Variants in RAB3IP observed in about 807,000 individuals in gnomAD.
RAB3IP encodes the protein rab-3A-interacting protein.
Under a neutral mutation model 59.1 loss-of-function variants are expected in RAB3IP, and 36 were observed. The ratio of observed to expected loss-of-function variants is 0.61; its 90% CI spans 0.47 to 0.80. RAB3IP has a LOEUF of 0.80. Among genes scored for constraint, RAB3IP ranks in the 30% least tolerant of loss-of-function variants. The pLI is 0.00. For missense variants in RAB3IP, 511 were observed against 536.0 expected (o/e 0.95, Z 0.46); for synonymous variants, 207 against 191.2 (o/e 1.08, Z -0.68).
chr12:69,806,415 C>T (rs1879278016), intron 8 of RAB3IP, among the ~76,000 whole-genome samples: 1 of 151,918 alleles, frequency 6.6e-6, no homozygotes. Context: ...TGCTAGCGGT[C>T]TATCAGTTTT....
In RAB3IP at chr12:69,818,750, G is replaced by A. The variant is rs893120611; in HGVS notation, c.*3304G>A. 3.3e-5 allele frequency: 5 copies of A among 152,190 alleles called. No individual in the cohort carries two copies. The highest frequency in any genetic ancestry group is 1.2e-4 in the African/African-American group (5 of 41,446). 9.4% of individuals were successfully genotyped at this position (152,190 alleles called of 1,614,324 possible). A position where few individuals can be genotyped will look rare whatever the true frequency, so the allele number is the denominator to read the frequency against. On this transcript the variant is annotated 3_prime_UTR_variant, in exon 11 of 11. Coordinates refer to ENST00000247833, the MANE Select transcript of RAB3IP (RefSeq NM_022456.5). ...CAAGAACAACTAAAACTGAACAGCT[G>A]TTTAGGCATTGACATATGTGACAAA...
In RAB3IP at chr12:69,815,423, G is replaced by T; in HGVS notation, c.1360G>T (p.Gly454Cys). ...LRKEMSLAKL[G>C]YFKEEL ...AAAAGAGATGTCATTGGCAAAGCTGGGTTATTTCAAAGAGGAACTCTGATG... is the reference window on the plus strand; with the variant it reads ...AAAAGAGATGTCATTGGCAAAGCTGTGTTATTTCAAAGAGGAACTCTGATG... Residue 454 changes from glycine to cysteine, a missense_variant, in exon 11 of 11, where the codon GGT becomes TGT. Coordinates refer to ENST00000247833, the MANE Select transcript of RAB3IP (RefSeq NM_022456.5). The T allele has an allele frequency of 6.2e-7, 1 of 1,612,676 alleles. No individual in the cohort carries two copies. The highest frequency in any genetic ancestry group is 8.5e-7 in the Non-Finnish European group (1 of 1,178,840).
At chr12:69,784,389 G>A (rs1190743659) in intron 3 of RAB3IP, among the ~76,000 whole-genome samples, 1 of 150,958 alleles carries the variant, frequency 6.6e-6, no homozygotes, top group Admixed American at 6.6e-5. Context: ...AATATGTATA[G>A]CAAAAAGTTA....
intron 8 of RAB3IP, among the ~76,000 whole-genome samples, chr12:69,807,118 C>G (rs1273720170): frequency 6.6e-6 from 1 of 152,152 alleles, no homozygotes; most frequent in Non-Finnish European, 1.5e-5. Flanking sequence ...GTACACCTCC[C>G]AGACGGGGCG....
At chr12:69,759,020 G>A (rs1359808549) in intron 3 of RAB3IP, among the ~76,000 whole-genome samples, 2 of 150,288 alleles carry the variant, frequency 1.3e-5, no homozygotes, top group African/African-American at 4.9e-5. Flanking sequence ...TCATTCTTGG[G>A]TGTTTCTCGC....
intron 6 of RAB3IP, chr12:69,796,463 C>G (rs1427348533): frequency 2.4e-6 from 1 of 414,652 alleles, no homozygotes; most frequent in Non-Finnish European, 4.3e-6. Context: ...TGAAGCTTTC[C>G]CATTTCTTCT....
chr12:69,743,627 G>A (rs972026313), intron 1 of RAB3IP, among the ~76,000 whole-genome samples: 13 of 152,194 alleles, frequency 8.5e-5, no homozygotes, highest in African/African-American at 3.1e-4. Context: ...ACCTTAGAGA[G>A]ATTAAATGAC....
intron 3 of RAB3IP, 133 bp downstream of exon 3, chr12:69,756,796 C>T: frequency 1.4e-6 from 1 of 734,808 alleles, no homozygotes; most frequent in East Asian, 2.7e-5. Flanking sequence ...AGCCTCAGCT[C>T]CTGTTAGGCA....
At chr12:69,746,675 T>C (rs1868372914) in intron 1 of RAB3IP, among the ~76,000 whole-genome samples, 1 of 152,190 alleles carries the variant, frequency 6.6e-6, no homozygotes, top group Admixed American at 6.5e-5. Flanking sequence ...ATGAAATAAA[T>C]GTATTTAATA....
At chr12:69,795,377 G>GTTGA in intron 6 of RAB3IP, 33 bp downstream of exon 6, 2 of 1,534,914 alleles carry the variant, frequency 1.3e-6, no homozygotes, top group Non-Finnish European at 1.8e-6. Flanking sequence ...CTCTGACTCT[G>GTTGA]TTGATACTTG....
chr12:69,794,560 C>A (rs1230241634), intron 5 of RAB3IP, 46 bp downstream of exon 5: 2 of 1,457,428 alleles, frequency 1.4e-6, no homozygotes, highest in Non-Finnish European at 9.5e-7. Flanking sequence ...TTTGTGATAA[C>A]TGTTTTAAAG....
chr12:69,804,621 A>G lies in RAB3IP; in HGVS notation c.1130+2900A>G, dbSNP rs189026656. ...GTAGGTTTTCTTCTAGGGTTTTTAT[A>G]GTTTTAGGTCTAACATTTAAGTCTT... On this transcript the variant is annotated intron_variant, in intron 8 of 10. Coordinates refer to ENST00000247833, the MANE Select transcript of RAB3IP (RefSeq NM_022456.5). Among the ~76,000 whole-genome samples the G allele has an allele frequency of 7.1e-3, 1,076 of 151,722 alleles. 8 individuals are homozygous for G. Among genetic ancestry groups the G allele is most frequent in the African/African-American group, 0.023 (962 of 41,352 alleles).
chr12:69,802,719 T>C (rs1212204748), intron 8 of RAB3IP, among the ~76,000 whole-genome samples: 1 of 152,212 alleles, frequency 6.6e-6, no homozygotes, highest in Non-Finnish European at 1.5e-5. Context: ...GATGAACTAA[T>C]AGGTCTGTGT....
intron 4 of RAB3IP, among the ~76,000 whole-genome samples, chr12:69,793,665 T>C (rs1351384930): frequency 1.3e-5 from 2 of 152,180 alleles, no homozygotes; most frequent in Non-Finnish European, 2.9e-5. Context: ...TCATATTGCA[T>C]TTAGAATAAA....
chr12:69,781,324 A>G (rs1478140940), intron 3 of RAB3IP, among the ~76,000 whole-genome samples: 1 of 152,084 alleles, frequency 6.6e-6, no homozygotes, highest in Non-Finnish European at 1.5e-5. Context: ...CCCCGTTAGC[A>G]TTCCCTACCA....
intron 4 of RAB3IP, among the ~76,000 whole-genome samples, chr12:69,786,224 G>T (rs915242430): frequency 1.3e-4 from 20 of 152,078 alleles, no homozygotes; most frequent in Non-Finnish European, 2.9e-4. Flanking sequence ...ATCACTAATT[G>T]TAACGATAGT....
intron 4 of RAB3IP, among the ~76,000 whole-genome samples, chr12:69,789,073 T>A (rs1202502471): frequency 6.6e-6 from 1 of 151,666 alleles, no homozygotes; most frequent in Non-Finnish European, 1.5e-5. Flanking sequence ...AGGCCTACAT[T>A]AAAAAAGAAG....
intron 4 of RAB3IP, among the ~76,000 whole-genome samples, chr12:69,790,790 GC>G (rs1353208197): frequency 6.6e-6 from 1 of 152,038 alleles, no homozygotes; most frequent in African/African-American, 2.4e-5. Flanking sequence ...CACCATGTTG[GC>G]CAGGTTGGTC....
intron 3 of RAB3IP, among the ~76,000 whole-genome samples, chr12:69,772,941 G>T (rs1873387430): frequency 1.3e-5 from 2 of 152,072 alleles, no homozygotes; most frequent in African/African-American, 4.8e-5. Flanking sequence ...TTTTCTTTCA[G>T]ATTGAAGAAA....
Sources: gnomAD v4.1 joint callset for allele counts (sites outside exome capture counted in the v4.1 genomes callset) on GRCh38, gnomAD v4.1.1 for gene constraint, MANE v1.5 for transcripts, NCBI Gene and HGNC (gene_info 2026-07-23, HGNC 2026-07-21) for gene names.